Variants in DAB1 observed in about 807,000 individuals in gnomAD.
The protein encoded by DAB1 is disabled homolog 1.
Under a neutral mutation model 64.6 loss-of-function variants are expected in DAB1, and 15 were observed. The observed-to-expected ratio is 0.23, with a 90% CI of 0.16 to 0.36. The LOEUF is 0.36. Among genes scored for constraint, DAB1 ranks in the 10% least tolerant of loss-of-function variants. The pLI is 1.00. For synonymous variants in DAB1, 235 were observed against 251.9 expected, an observed-to-expected ratio of 0.93 and a Z score of 0.64; for missense variants, 596 against 706.7, an observed-to-expected ratio of 0.84 and a Z score of 1.78.
chr1:58,373,645 C>A (rs1191495643), intron 3 of DAB1, among the ~76,000 whole-genome samples: 1 of 151,828 alleles, frequency 6.6e-6, no homozygotes, highest in East Asian at 1.9e-4. Context: ...GTCTTTATAG[C>A]CACGTGTCTT....
chr1:57,528,748 G>C (rs1644625431), intron 7 of DAB1, among the ~76,000 whole-genome samples: 1 of 146,414 alleles, frequency 6.8e-6, no homozygotes, highest in South Asian at 2.3e-4. Flanking sequence ...TGGGAGAGCA[G>C]AAGGCAATGG....
chr1:57,206,937 T>TTCTTTC (rs199939401), intron 2 of DAB1, among the ~76,000 whole-genome samples: 5 of 147,350 alleles, frequency 3.4e-5, no homozygotes, highest in Admixed American at 2.7e-4. Context: ...CTTTTCTTCT[T>TTCTTTC]TCTTTCTCTT....
chr1:57,382,094 C>T (rs1681429595), intron 1 of DAB1, among the ~76,000 whole-genome samples: 1 of 152,172 alleles, frequency 6.6e-6, no homozygotes, highest in East Asian at 1.9e-4. Flanking sequence ...AAAGCTTTCA[C>T]CCTCCCTCTT....
chr1:58,257,551 G>T (rs1660960374), intron 4 of DAB1, among the ~76,000 whole-genome samples: 1 of 152,216 alleles, frequency 6.6e-6, no homozygotes, highest in African/African-American at 2.4e-5. Flanking sequence ...CACAGCATGT[G>T]CTAAGGGAGG....
At chr1:57,800,794 C>T (rs1255975121) in intron 6 of DAB1, among the ~76,000 whole-genome samples, 1 of 152,158 alleles carries the variant, frequency 6.6e-6, no homozygotes, top group Non-Finnish European at 1.5e-5. Context: ...TGCTGCCCAC[C>T]TGAAATACCA....
chr1:57,803,643 C>G (rs78961670), intron 6 of DAB1, among the ~76,000 whole-genome samples: 3,180 of 152,280 alleles, frequency 0.021, 136 homozygotes, highest in African/African-American at 0.073. Context: ...TAAGAGCCCA[C>G]GATGAAATCC....
At chr1:57,422,683 A>G (rs545853920) in intron 1 of DAB1, among the ~76,000 whole-genome samples, 1 of 151,664 alleles carries the variant, frequency 6.6e-6, no homozygotes, top group South Asian at 2.1e-4. Flanking sequence ...GAAGTGCCCC[A>G]GCAGACCCCC....
chr1:57,841,743 A>G (rs1653060564), intron 1 of DAB1, among the ~76,000 whole-genome samples: 1 of 152,120 alleles, frequency 6.6e-6, no homozygotes, highest in Admixed American at 6.5e-5. Context: ...TGGTCCCCAA[A>G]ACCATTTTTC....
chr1:58,228,035 C>T (rs573143309), intron 4 of DAB1, among the ~76,000 whole-genome samples: 2 of 152,236 alleles, frequency 1.3e-5, no homozygotes, highest in African/African-American at 4.8e-5. Context: ...AAGCCCATAG[C>T]CTAACTGGTT....
intron 1 of DAB1, among the ~76,000 whole-genome samples, chr1:57,384,980 G>A (rs1476468529): frequency 2.6e-5 from 4 of 152,172 alleles, no homozygotes; most frequent in Non-Finnish European, 2.9e-5. Context: ...TGTTAAAAAT[G>A]TACATACTCC....
chr1:57,682,640 AC>A (rs764159424), intron 6 of DAB1, among the ~76,000 whole-genome samples: 2 of 151,952 alleles, frequency 1.3e-5, no homozygotes, highest in Non-Finnish European at 2.9e-5. Flanking sequence ...GACACAGGGG[AC>A]CCTGTGTCCC....
intron 5 of DAB1, among the ~76,000 whole-genome samples, chr1:58,006,088 TG>T (rs1173585515): frequency 6.6e-6 from 1 of 152,198 alleles, no homozygotes; most frequent in Non-Finnish European, 1.5e-5. Context: ...TCAACTTCTC[TG>T]GGAGTCCCAC....
chr1:57,447,490 A>G (rs1163509513), intron 7 of DAB1, among the ~76,000 whole-genome samples: 2 of 152,104 alleles, frequency 1.3e-5, no homozygotes, highest in East Asian at 3.9e-4. Context: ...TCACATTTGC[A>G]CTCTCTTACT....
At chr1:57,081,735 G>A (rs1244695731) in intron 4 of DAB1, among the ~76,000 whole-genome samples, 1 of 152,138 alleles carries the variant, frequency 6.6e-6, no homozygotes, top group African/African-American at 2.4e-5. Context: ...GCAGGAGGCT[G>A]ACCTGGGCTT....
At chr1:58,269,573 T>C (rs978966967) in intron 4 of DAB1, among the ~76,000 whole-genome samples, 1 of 106,186 alleles carries the variant, frequency 9.4e-6, no homozygotes, top group African/African-American at 3.4e-5. Flanking sequence ...GTATTTCTAG[T>C]TCTAGATCCC....
chr1:57,031,019 T>C (rs1282727180), intron 9 of DAB1, among the ~76,000 whole-genome samples: 1 of 152,226 alleles, frequency 6.6e-6, no homozygotes, highest in Non-Finnish European at 1.5e-5. Flanking sequence ...ACATCATAAA[T>C]ATAATTTATT....
chr1:57,092,516 A>G (rs1403805652), intron 4 of DAB1, among the ~76,000 whole-genome samples: 1 of 152,090 alleles, frequency 6.6e-6, no homozygotes, highest in Non-Finnish European at 1.5e-5. Flanking sequence ...CACCTTGGGA[A>G]GACGGTACTT....
chr1:58,152,278 A>G (rs1654988857), intron 4 of DAB1, among the ~76,000 whole-genome samples: 1 of 152,200 alleles, frequency 6.6e-6, no homozygotes, highest in African/African-American at 2.4e-5. Flanking sequence ...ATGTATATGA[A>G]GGGCTGATTC....
At chr1:57,651,703 G>A (rs1485350210) in intron 6 of DAB1, among the ~76,000 whole-genome samples, 1 of 152,034 alleles carries the variant, frequency 6.6e-6, no homozygotes, top group African/African-American at 2.4e-5. Flanking sequence ...TTCAAAACAG[G>A]CTTAAAGTTC....
Sources: gnomAD v4.1 joint callset for allele counts (sites outside exome capture counted in the v4.1 genomes callset) on GRCh38, gnomAD v4.1.1 for gene constraint, MANE v1.5 for transcripts, NCBI Gene and HGNC (gene_info 2026-07-23, HGNC 2026-07-21) for gene names.